The following AADAT variants were observed in gnomAD, a reference collection of about 807,000 sequenced individuals.
AADAT encodes aminoadipate aminotransferase.
In AADAT, 25 loss-of-function variants were observed where a neutral mutation model predicts 56.2. The observed-to-expected ratio is 0.44, with a 90% CI of 0.32 to 0.62. The LOEUF (loss-of-function observed/expected upper bound fraction) is 0.62, where lower values mean the gene tolerates loss of function less well. Ranked by LOEUF, AADAT falls within the 20% of genes least tolerant of loss-of-function variation. The pLI, the probability that AADAT is intolerant of heterozygous loss-of-function variation, is 0.04. For synonymous variants in AADAT, 173 were observed against 164.7 expected (o/e 1.05, Z -0.39); for missense variants, 387 against 510.5 (o/e 0.76, Z 2.33).
chr4:170,061,632 C>T (rs1363376372), intron 12 of AADAT, among the ~76,000 whole-genome samples: 1 of 152,198 alleles, frequency 6.6e-6, no homozygotes, highest in East Asian at 1.9e-4. Flanking sequence ...CATAACATGA[C>T]AATTTACGCA....
At chr4:170,093,551 C>T (rs1249785102), upstream of AADAT, among the ~76,000 whole-genome samples, 2 of 152,156 alleles carry the variant, frequency 1.3e-5, no homozygotes, top group Non-Finnish European at 2.9e-5. Context: ...CGTTGATGCA[C>T]CCGTCTGTGA....
upstream of AADAT, among the ~76,000 whole-genome samples, chr4:170,092,212 C>G (rs191169920): frequency 6.6e-5 from 10 of 152,360 alleles, no homozygotes; most frequent in East Asian, 1.7e-3. Context: ...TTTGTTTTCT[C>G]GCAGTTTGCA....
chr4:170,068,731 A>G (rs1731608335), intron 7 of AADAT, 44 bp from the exon 8 acceptor site: 1 of 1,244,310 alleles, frequency 8.0e-7, no homozygotes, highest in Non-Finnish European at 1.1e-6. Context: ...CCATATTAAC[A>G]ATTAATACAT....
chr4:170,076,844 C>T (rs774184062), intron 4 of AADAT, among the ~76,000 whole-genome samples: 159 of 152,086 alleles, frequency 1.0e-3, no homozygotes, highest in Non-Finnish European at 1.9e-3. Context: ...TAGTTTTAGC[C>T]CTTATATTTA....
At chr4:170,062,990 T>C (rs1331285851) in intron 11 of AADAT, among the ~76,000 whole-genome samples, 1 of 152,234 alleles carries the variant, frequency 6.6e-6, no homozygotes, top group Non-Finnish European at 1.5e-5. Flanking sequence ...GTTTATCTTC[T>C]GTGGTGGTTA....
intron 11 of AADAT, among the ~76,000 whole-genome samples, chr4:170,062,963 G>T (rs1400811939): frequency 2.0e-5 from 3 of 151,088 alleles, no homozygotes; most frequent in African/African-American, 7.2e-5. Flanking sequence ...TGCTTATTAA[G>T]TCTTTGAGAT....
chr4:170,093,477 A>G (rs192874764), upstream of AADAT, among the ~76,000 whole-genome samples: 218 of 152,204 alleles, frequency 1.4e-3, no homozygotes, highest in African/African-American at 4.6e-3. Context: ...GGTAGTAGGA[A>G]CCTGTTCGGT....
At position 170,062,014 on chromosome 4, in the gene AADAT, T is replaced by C. The variant is rs375265742; in HGVS notation, c.1135-21A>G. 10 of 1,540,094 alleles carry C rather than the reference T, an allele frequency of 6.5e-6. No individual in the cohort carries two copies. In the African/African-American group the frequency reaches 1.4e-4, roughly 21 times the overall value. On this transcript the variant is annotated intron_variant, in intron 11 of 12. Coordinates refer to ENST00000337664, the MANE Select transcript of AADAT (RefSeq NM_016228.4). Reference sequence around the variant, plus strand: ...AATACCTAAGAGAGTTTGTGGAAGATAAGTAATGTACCACTAAAGAAAAAC... The same window carrying C: ...AATACCTAAGAGAGTTTGTGGAAGACAAGTAATGTACCACTAAAGAAAAAC...
upstream of AADAT, among the ~76,000 whole-genome samples, chr4:170,091,068 GGCAGCCCTC>G (rs542400434): frequency 1.3e-3 from 204 of 152,374 alleles, no homozygotes; most frequent in African/African-American, 4.7e-3. Flanking sequence ...ACAGCCTGCT[GGCAGCCCTC>G]GCAGCCCTCG....
chr4:170,078,387 A>T, intron 4 of AADAT, 122 bp downstream of exon 4: 1 of 538,518 alleles, frequency 1.9e-6, no homozygotes. Context: ...TTCTGTGGAC[A>T]GATTATTTTA....
In AADAT at chr4:170,083,015, G is replaced by A. The variant is rs367976354; in HGVS notation, c.369+4101C>T. Among the ~76,000 whole-genome samples, 5 of 150,326 alleles carry A rather than the reference G, an allele frequency of 3.3e-5. No homozygotes were observed. The South Asian group carries it at 6.4e-4, about 19-fold the overall frequency. On this transcript the variant is annotated intron_variant, in intron 3 of 12. Transcript: ENST00000337664. ...GAAAATCAACATGAAGAAACAGTGA[G>A]ATAAAACTACATACTAGATCTAATA... is the stretch of plus-strand genomic sequence containing the variant.
At chr4:170,066,321 T>C (rs1356897788) in intron 10 of AADAT, 93 bp downstream of exon 10, 1 of 1,123,228 alleles carries the variant, frequency 8.9e-7, no homozygotes, top group Non-Finnish European at 1.4e-6. Flanking sequence ...GACTGTTTCT[T>C]TTCCACCAGG....
Position 170,060,931 on chromosome 4 carries a change from T to A in AADAT, c.1275A>T (p.Leu425Phe). ...QVLAQLIKES[L>F] ...TGCCCAACCTAGTTTAATTTCTTCA[T>A]AAAGATTCTTTTATAAGTTGTGCTA... The change falls in exon 13 of 13, where the codon TTA becomes TTT. Residue 425 changes from leucine to phenylalanine, a missense_variant. By Grantham distance (22) the Leu-to-Phe change is conservative. Coordinates refer to ENST00000337664, the MANE Select transcript of AADAT (RefSeq NM_016228.4). The A allele has an allele frequency of 6.5e-7, 1 of 1,542,730 alleles. No individual in the cohort carries two copies. Among genetic ancestry groups the A allele is most frequent in the Middle Eastern group, 1.8e-4 (1 of 5,476 alleles).
chr4:170,066,550 C>G, intron 9 of AADAT, 72 bp from the exon 10 acceptor site: 1 of 1,090,656 alleles, frequency 9.2e-7, no homozygotes, highest in East Asian at 2.4e-5. Context: ...CTCCAGAGTC[C>G]AGGCTATAAG....
intron 3 of AADAT, among the ~76,000 whole-genome samples, chr4:170,083,345 A>G (rs929165056): frequency 6.6e-6 from 1 of 152,128 alleles, no homozygotes; most frequent in African/African-American, 2.4e-5. Flanking sequence ...GAAAATGGAA[A>G]CGCAATATAC....
rs1731150080 is a variant in AADAT, at chr4:170,060,706, A to G, written c.*222T>C. ...TGCCAAAACAAGAAATTTATTGGAA[A>G]AATCCATGAGCAGCATGATTAGTTT... On this transcript the variant is annotated 3_prime_UTR_variant, in exon 13 of 13. Coordinates refer to ENST00000337664, the MANE Select transcript of AADAT (RefSeq NM_016228.4). The G allele has an allele frequency of 2.7e-6, 1 of 375,238 alleles. No homozygotes were observed. Among genetic ancestry groups the G allele is most frequent in the East Asian group, 4.0e-5 (1 of 24,910 alleles). The allele number at this position is 375,238 out of a possible 1,614,324, so 23.2% of individuals were successfully genotyped here.
intron 4 of AADAT, among the ~76,000 whole-genome samples, chr4:170,074,669 G>C (rs547833722): frequency 3.3e-5 from 5 of 152,224 alleles, no homozygotes; most frequent in African/African-American, 1.2e-4. Context: ...TGGAACATGG[G>C]AGGTTCAGGG....
chr4:170,071,849 G>A (rs1214714732), intron 5 of AADAT, among the ~76,000 whole-genome samples: 16 of 152,100 alleles, frequency 1.1e-4, no homozygotes, highest in Non-Finnish European at 8.8e-5. Flanking sequence ...TGTGGGGGAT[G>A]GGGGGCAAAG....
intron 3 of AADAT, among the ~76,000 whole-genome samples, chr4:170,083,450 A>G (rs902670988): frequency 6.6e-6 from 1 of 152,152 alleles, no homozygotes; most frequent in Non-Finnish European, 1.5e-5. Context: ...CAAATTAACA[A>G]CCTAATAATG....
Sources: allele counts gnomAD v4.1 joint callset (sites outside exome capture counted in the v4.1 genomes callset), GRCh38; gene constraint gnomAD v4.1.1; transcripts MANE v1.5; gene names NCBI Gene and HGNC (gene_info 2026-07-23, HGNC 2026-07-21).